The following SRFBP1 variants were observed in gnomAD, a reference collection of about 807,000 sequenced individuals.
The protein encoded by SRFBP1 is serum response factor-binding protein 1.
A neutral mutation model predicts 45.5 loss-of-function variants in SRFBP1; 47 were observed. The ratio of observed to expected loss-of-function variants is 1.03; its 90% CI spans 0.82 to 1.32. The LOEUF is 1.32. SRFBP1 is among the 40% of genes most tolerant of loss of function. The probability of loss-of-function intolerance (pLI) is 0.00; values close to 1 mark genes in which losing one functional copy is unlikely to be tolerated. For missense variants in SRFBP1, 621 were observed against 484.6 expected, an observed-to-expected ratio of 1.28 and a Z score of -2.64; for synonymous variants, 203 against 166.3, an observed-to-expected ratio of 1.22 and a Z score of -1.70.
intron 3 of SRFBP1, 112 bp downstream of exon 3, chr5:121,975,499 C>T (rs992213904): frequency 1.8e-6 from 2 of 1,089,584 alleles, no homozygotes; most frequent in African/African-American, 3.1e-5. Context: ...TTGCGTAAGA[C>T]ATCTTGTATC....
intron 2 of SRFBP1, among the ~76,000 whole-genome samples, chr5:122,057,459 C>CTGTGTG (rs3028227): frequency 4.1e-4 from 60 of 146,520 alleles, no homozygotes; most frequent in African/African-American, 1.4e-3. Context: ...GTTCTCAGTT[C>CTGTGTG]TGTGTGTGTG....
intron 1 of SRFBP1, among the ~76,000 whole-genome samples, chr5:121,964,128 T>A (rs1752010157): frequency 1.3e-5 from 2 of 152,154 alleles, no homozygotes; most frequent in African/African-American, 4.8e-5. Flanking sequence ...CCATCACCAC[T>A]AGAATCCTAG....
chr5:121,972,014 A>G (rs1752209364), intron 1 of SRFBP1, among the ~76,000 whole-genome samples: 1 of 151,960 alleles, frequency 6.6e-6, no homozygotes, highest in African/African-American at 2.4e-5. Context: ...AGTTCTCCAC[A>G]CAACTGAAGA....
intron 2 of SRFBP1, among the ~76,000 whole-genome samples, chr5:122,046,346 T>C (rs1207711696): frequency 1.3e-5 from 2 of 152,142 alleles, no homozygotes; most frequent in Admixed American, 6.5e-5. Flanking sequence ...GGTTTCTAGC[T>C]TCATCCATGT....
At chr5:121,968,363 A>G (rs1004976775) in intron 1 of SRFBP1, among the ~76,000 whole-genome samples, 4 of 151,952 alleles carry the variant, frequency 2.6e-5, no homozygotes, top group Admixed American at 2.6e-4. Flanking sequence ...TCATTATGCT[A>G]CTCAGAGTGG....
In SRFBP1 at chr5:122,027,071, A is replaced by C. The variant is rs1753496276; in HGVS notation, c.1235A>C (p.Glu412Ala). The stretch of plus-strand genomic sequence containing the variant: ...TGGGAAGCAAGCAGAAGGCGAAAAG[A>C]ACAGCAATCTAATATTGCTGTGTTT... ...PSWEASRRRK[E>A]QQSNIAVFQG... is the part of the protein sequence containing the mutation. The change falls in exon 8 of 8, where the codon GAA becomes GCA. Residue 412 changes from glutamate to alanine, a missense_variant. Coordinates refer to ENST00000339397, the MANE Select transcript of SRFBP1 (RefSeq NM_152546.3). 2 of 1,613,000 alleles carry C rather than the reference A, an allele frequency of 1.2e-6. No homozygotes were observed. The highest frequency in any genetic ancestry group is 1.7e-6 in the Non-Finnish European group (2 of 1,179,636).
At chr5:122,070,207 A>G (rs1754410640) in intron 2 of SRFBP1, 2 of 1,124,858 alleles carry the variant, frequency 1.8e-6, no homozygotes, top group African/African-American at 1.5e-5. Flanking sequence ...TTCTTTTTCC[A>G]TAGGGCTACA....
chr5:122,047,935 G>A (rs560005204), intron 2 of SRFBP1, among the ~76,000 whole-genome samples: 78 of 152,154 alleles, frequency 5.1e-4, no homozygotes, highest in Non-Finnish European at 8.2e-4. Context: ...TCAGCTTAAG[G>A]AGATTTTGGG....
At chr5:121,965,957 G>A (rs201779664) in intron 1 of SRFBP1, among the ~76,000 whole-genome samples, 4 of 151,950 alleles carry the variant, frequency 2.6e-5, no homozygotes, top group African/African-American at 4.8e-5. Context: ...ATTGTGAATC[G>A]GGAGTTCACT....
In SRFBP1 at chr5:121,994,590, C is replaced by G; in HGVS notation, c.199-9C>G. ...ATAACTAAAATTAATTTGTTTTATT[C>G]TTTCACAGGAATTGAAACCTGACAT... On this transcript the variant is annotated splice_polypyrimidine_tract_variant and intron_variant, in intron 3 of 7. Transcript: ENST00000339397. The G allele has an allele frequency of 6.3e-7, 1 of 1,577,680 alleles. No homozygotes were observed. Among genetic ancestry groups the G allele is most frequent in the Non-Finnish European group, 8.6e-7 (1 of 1,159,718 alleles).
chr5:121,990,248 A>G (rs946913220), intron 3 of SRFBP1, among the ~76,000 whole-genome samples: 2 of 152,216 alleles, frequency 1.3e-5, no homozygotes, highest in African/African-American at 4.8e-5. Flanking sequence ...CCATAAAAAA[A>G]GAATGAAATC....
intron 2 of SRFBP1, among the ~76,000 whole-genome samples, chr5:122,039,387 T>C (rs906102902): frequency 2.0e-5 from 3 of 152,104 alleles, no homozygotes; most frequent in Non-Finnish European, 4.4e-5. Context: ...CTGGGTGTGG[T>C]AGGATATTTG....
intron 4 of SRFBP1, among the ~76,000 whole-genome samples, chr5:122,004,230 TATG>T (rs1332786721): frequency 6.6e-6 from 1 of 152,220 alleles, no homozygotes; most frequent in East Asian, 1.9e-4. Flanking sequence ...GCATATATCT[TATG>T]TTTTCCTCTA....
At chr5:121,965,022 C>G (rs1189945112) in intron 1 of SRFBP1, among the ~76,000 whole-genome samples, 1 of 152,078 alleles carries the variant, frequency 6.6e-6, no homozygotes, top group Non-Finnish European at 1.5e-5. Flanking sequence ...TGTCCTTCGC[C>G]CACTTTTTGA....
intron 4 of SRFBP1, among the ~76,000 whole-genome samples, chr5:121,995,190 C>A (rs936988607): frequency 6.6e-6 from 1 of 151,662 alleles, no homozygotes; most frequent in Non-Finnish European, 1.5e-5. Flanking sequence ...GAACTCTCCA[C>A]CCCAAATCAA....
intron 4 of SRFBP1, among the ~76,000 whole-genome samples, chr5:122,001,655 G>A (rs1239346669): frequency 1.4e-5 from 2 of 147,400 alleles, no homozygotes; most frequent in African/African-American, 5.0e-5. Flanking sequence ...TCCGCTTCCC[G>A]GGTTCACGCC....
chr5:122,074,273 T>A, intron 2 of SRFBP1: 1 of 954,510 alleles, frequency 1.0e-6, no homozygotes, highest in Non-Finnish European at 1.6e-6. Context: ...GTTTTCACAT[T>A]AAAATTGAGA....
chr5:121,999,726 C>A (rs1346240220), intron 4 of SRFBP1, among the ~76,000 whole-genome samples: 1 of 152,014 alleles, frequency 6.6e-6, no homozygotes, highest in Admixed American at 6.6e-5. Flanking sequence ...GTGCTGAAGT[C>A]TATCTTGTCT....
At chr5:121,994,994 A>C (rs569828330) in intron 4 of SRFBP1, among the ~76,000 whole-genome samples, 6 of 148,946 alleles carry the variant, frequency 4.0e-5, no homozygotes, top group African/African-American at 1.5e-4. Context: ...CTAAATATAT[A>C]TGCACCCAGA....
Sources: gnomAD v4.1 joint callset for allele counts (sites outside exome capture counted in the v4.1 genomes callset) on GRCh38, gnomAD v4.1.1 for gene constraint, MANE v1.5 for transcripts, NCBI Gene and HGNC (gene_info 2026-07-23, HGNC 2026-07-21) for gene names.